The following MITF variants were observed in gnomAD, a reference collection of about 807,000 sequenced individuals.
MITF encodes the protein melanocyte inducing transcription factor, also known as microphthalmia-associated transcription factor.
In MITF, 17 loss-of-function variants were observed where a neutral mutation model predicts 60.5. The ratio of observed to expected loss-of-function variants is 0.28; its 90% CI spans 0.19 to 0.42. The LOEUF is 0.42. MITF is among the 10% of genes least tolerant of loss of function. The pLI is 1.00. For synonymous variants in MITF, 260 were observed against 248.5 expected, an observed-to-expected ratio of 1.05 and a Z score of -0.43; for missense variants, 622 against 683.5, an observed-to-expected ratio of 0.91 and a Z score of 1.00.
At chr3:69,742,837 C>T (rs1276211732) in intron 1 of MITF, among the ~76,000 whole-genome samples, 1 of 152,178 alleles carries the variant, frequency 6.6e-6, no homozygotes. Flanking sequence ...ATAGTGTGGC[C>T]CTTTTTTGAC....
intron 2 of MITF, among the ~76,000 whole-genome samples, chr3:69,928,994 A>G (rs2065655757): frequency 6.6e-6 from 1 of 152,290 alleles, no homozygotes; most frequent in African/African-American, 2.4e-5. Context: ...TATCATGTGA[A>G]GTAGGGTGGC....
At chr3:69,790,441 A>C (rs2106911676) in intron 1 of MITF, among the ~76,000 whole-genome samples, 1 of 152,296 alleles carries the variant, frequency 6.6e-6, no homozygotes, top group South Asian at 2.1e-4. Flanking sequence ...ACATCAATGA[A>C]CTGTATATTT....
At chr3:69,752,231 G>A (rs907078538) in intron 1 of MITF, 1 of 152,202 alleles carries the variant, frequency 6.6e-6, no homozygotes, top group Non-Finnish European at 1.5e-5. Flanking sequence ...CAAGAAATGG[G>A]GCATTGCTAT....
intron 1 of MITF, among the ~76,000 whole-genome samples, chr3:69,808,753 G>C (rs1192108625): frequency 6.6e-6 from 1 of 152,096 alleles, no homozygotes; most frequent in East Asian, 1.9e-4. Context: ...CCCTGGGAAG[G>C]GTTTAGATCT....
chr3:69,858,412 T>G (rs996501793), intron 1 of MITF, among the ~76,000 whole-genome samples: 1 of 152,148 alleles, frequency 6.6e-6, no homozygotes, highest in Admixed American at 6.5e-5. Flanking sequence ...GCTTTAAAAG[T>G]TTGAGAAATT....
At chr3:69,774,071 C>T (rs2106848702) in intron 1 of MITF, among the ~76,000 whole-genome samples, 1 of 152,322 alleles carries the variant, frequency 6.6e-6, no homozygotes, top group African/African-American at 2.4e-5. Flanking sequence ...GAAGCCATGA[C>T]TAGGTGCAGG....
intron 1 of MITF, among the ~76,000 whole-genome samples, chr3:69,868,899 CAA>C (rs75440769): frequency 3.2e-4 from 25 of 77,120 alleles, no homozygotes; most frequent in Admixed American, 4.4e-4. Context: ...GACTCCATCT[CAA>C]AAAAAAAAAA....
intron 2 of MITF, among the ~76,000 whole-genome samples, chr3:69,926,982 A>T (rs1478861147): frequency 6.6e-6 from 1 of 152,170 alleles, no homozygotes; most frequent in Non-Finnish European, 1.5e-5. Context: ...GTAGGCTTTC[A>T]TTCTCATGGA....
intron 2 of MITF, among the ~76,000 whole-genome samples, chr3:69,913,038 A>G (rs946962266): frequency 6.6e-6 from 1 of 152,194 alleles, no homozygotes; most frequent in Admixed American, 6.5e-5. Flanking sequence ...GTGTGTTGAC[A>G]TGGAAAGTTG....
intron 5 of MITF, among the ~76,000 whole-genome samples, chr3:69,943,501 A>G (rs2107497179): frequency 6.6e-6 from 1 of 152,284 alleles, no homozygotes; most frequent in African/African-American, 2.4e-5. Flanking sequence ...AGTATTTAGC[A>G]TTGGAAACAT....
intron 2 of MITF, among the ~76,000 whole-genome samples, chr3:69,928,255 T>G (rs542445857): frequency 2.6e-5 from 4 of 152,364 alleles, no homozygotes; most frequent in South Asian, 2.1e-4. Flanking sequence ...GCAACATGTA[T>G]GTATCTTTTT....
intron 1 of MITF, among the ~76,000 whole-genome samples, chr3:69,748,799 T>C (rs1291158514): frequency 6.6e-6 from 1 of 152,216 alleles, no homozygotes; most frequent in Non-Finnish European, 1.5e-5. Context: ...GAAAAGTGGT[T>C]GTCCCCACTG....
At chr3:69,850,239 G>A (rs1407600142) in intron 1 of MITF, among the ~76,000 whole-genome samples, 2 of 152,166 alleles carry the variant, frequency 1.3e-5, no homozygotes, top group Non-Finnish European at 2.9e-5. Flanking sequence ...GTAGTTACTA[G>A]TTAGACAATG....
intron 5 of MITF, among the ~76,000 whole-genome samples, chr3:69,947,803 AG>A (rs753932946): frequency 1.3e-5 from 2 of 152,134 alleles, no homozygotes; most frequent in African/African-American, 2.4e-5. Flanking sequence ...CTCTTTAGCT[AG>A]GGGTTTAATT....
At chr3:69,885,931 C>G (rs1367855386) in intron 2 of MITF, among the ~76,000 whole-genome samples, 1 of 152,074 alleles carries the variant, frequency 6.6e-6, no homozygotes, top group East Asian at 1.9e-4. Context: ...CCTGTATTGA[C>G]TCATTTAATG....
chr3:69,745,603 T>C (rs1703693586), intron 1 of MITF, among the ~76,000 whole-genome samples: 1 of 152,208 alleles, frequency 6.6e-6, no homozygotes, highest in Non-Finnish European at 1.5e-5. Flanking sequence ...ACATTTAGGG[T>C]TTCCGTTTGC....
rs770133835 is a variant in MITF at position 69,959,259 on chromosome 3, C to T, written c.1032-14C>T. The T allele has an allele frequency of 1.2e-6, 2 of 1,613,742 alleles. No individual in the cohort carries two copies. The highest frequency in any genetic ancestry group is 1.7e-6 in the Non-Finnish European group (2 of 1,179,832). ...AATCCTAAAAATATCTGTTTTCCTC[C>T]ATTTTCATCGCAGAGACATGCGCTG... On this transcript the variant is annotated splice_polypyrimidine_tract_variant and intron_variant, in intron 8 of 9. Transcript: ENST00000352241.
chr3:69,819,301 G>A (rs1003042431), intron 1 of MITF, among the ~76,000 whole-genome samples: 1 of 152,164 alleles, frequency 6.6e-6, no homozygotes, highest in African/African-American at 2.4e-5. Flanking sequence ...TCAAAAAATG[G>A]TAACTAATTT....
intron 1 of MITF, among the ~76,000 whole-genome samples, chr3:69,823,858 T>G (rs1417942104): frequency 6.6e-6 from 1 of 152,222 alleles, no homozygotes; most frequent in Non-Finnish European, 1.5e-5. Context: ...GCCTATGATT[T>G]CTTTTGTGGT....
Sources: allele counts gnomAD v4.1 joint callset (sites outside exome capture counted in the v4.1 genomes callset), GRCh38; gene constraint gnomAD v4.1.1; transcripts MANE v1.5; gene names NCBI Gene and HGNC (gene_info 2026-07-23, HGNC 2026-07-21).